Variants in TRPC5 observed in about 807,000 individuals in gnomAD.
TRPC5 encodes the protein transient receptor potential cation channel subfamily C member 5.
A neutral mutation model predicts 56.5 loss-of-function variants in TRPC5; 9 were observed. That is an observed-to-expected ratio of 0.16 (90% CI 0.10 to 0.28). The LOEUF (loss-of-function observed/expected upper bound fraction) is 0.28, where lower values mean the gene tolerates loss of function less well. TRPC5 is among the 10% of genes least tolerant of loss of function. The pLI is 1.00. For missense variants in TRPC5, 469 were observed against 748.9 expected, an observed-to-expected ratio of 0.63 and a Z score of 4.36; for synonymous variants, 282 against 278.5, an observed-to-expected ratio of 1.01 and a Z score of -0.13.
At chrX:111,994,263 T>A (rs771978808) in intron 1 of TRPC5, among the ~76,000 whole-genome samples, 35 of 111,665 alleles carry the variant, frequency 3.1e-4, no homozygotes, top group African/African-American at 1.0e-3. Flanking sequence ...TTTGTCTATA[T>A]ATCTGTTTTG....
At chrX:111,872,121 G>T (rs1466225071) in intron 3 of TRPC5, among the ~76,000 whole-genome samples, 2 of 112,324 alleles carry the variant, frequency 1.8e-5, no homozygotes, top group Non-Finnish European at 3.8e-5. Context: ...TTCTCAGCCT[G>T]CAGAACTGTG....
intron 5 of TRPC5, among the ~76,000 whole-genome samples, chrX:111,849,309 G>T (rs1923017369): frequency 8.9e-6 from 1 of 112,503 alleles, no homozygotes; most frequent in African/African-American, 3.2e-5. Flanking sequence ...CACCTTTGGA[G>T]AAAGATATAG....
chrX:111,823,423 A>G (rs1279096618), intron 7 of TRPC5, among the ~76,000 whole-genome samples: 1 of 111,819 alleles, frequency 8.9e-6, no homozygotes, highest in African/African-American at 3.3e-5. Flanking sequence ...GGCTTTAGGC[A>G]TGCAAAGAGC....
chrX:111,889,502 T>A (rs1003196476), intron 3 of TRPC5, among the ~76,000 whole-genome samples: 1 of 112,286 alleles, frequency 8.9e-6, no homozygotes, highest in African/African-American at 3.2e-5. Context: ...TTGAACAGCA[T>A]GCTGGTTTAG....
chrX:111,939,113 TGCTG>T (rs1926693867), intron 2 of TRPC5, among the ~76,000 whole-genome samples: 1 of 112,132 alleles, frequency 8.9e-6, no homozygotes, highest in African/African-American at 3.2e-5. Flanking sequence ...CATGAATGGA[TGCTG>T]AAGGTTATCA....
In TRPC5 at chrX:111,773,490, T is replaced by C. The variant is rs1329567439; in HGVS notation, c.*2823A>G. Among the ~76,000 whole-genome samples the C allele has an allele frequency of 8.9e-6, 1 of 112,044 alleles. No homozygotes were observed. Among genetic ancestry groups the C allele is most frequent in the African/African-American group, 3.2e-5 (1 of 30,831 alleles). ...ATTTGTGTTTGACTTTGCAGTACAT[T>C]TTTAACTTCACATTTAAATATGTAA... On this transcript the variant is annotated 3_prime_UTR_variant, in exon 11 of 11. Transcript: ENST00000262839.
In TRPC5 at chrX:111,913,833, G is replaced by A. The variant is rs1258729331; in HGVS notation, c.379-1021C>T. On this transcript the variant is annotated intron_variant, in intron 2 of 10. Coordinates refer to ENST00000262839, the MANE Select transcript of TRPC5 (RefSeq NM_012471.3). The stretch of plus-strand genomic sequence containing the variant: ...AAATTAGCCGGGCATGGTGGCGGGC[G>A]CCTGTAGTCCCAGCTACGTGGGAGC... Among the ~76,000 whole-genome samples the A allele has an allele frequency of 1.1e-4, 12 of 109,812 alleles. No homozygotes were observed. In the East Asian group the frequency reaches 1.2e-3, roughly 11 times the overall value.
intron 2 of TRPC5, among the ~76,000 whole-genome samples, chrX:111,931,734 C>T (rs140554534): frequency 8.4e-4 from 94 of 111,483 alleles, no homozygotes; most frequent in Middle Eastern, 4.6e-3. Context: ...AACATTAAAT[C>T]GTACTAAATC....
intron 2 of TRPC5, among the ~76,000 whole-genome samples, chrX:111,946,706 C>G (rs993478426): frequency 2.7e-5 from 3 of 112,425 alleles, no homozygotes; most frequent in African/African-American, 9.7e-5. Context: ...TTATATATCA[C>G]CCATCATGTA....
In TRPC5 at chrX:111,975,232, A is replaced by G. The variant is rs1454559385; in HGVS notation, c.-21-22791T>C. On this transcript the variant is annotated intron_variant, in intron 1 of 10. Coordinates refer to ENST00000262839, the MANE Select transcript of TRPC5 (RefSeq NM_012471.3). ...CATTTAAATAAATCTCTGTCCAATC[A>G]CTGGCGACTAAGATAATTGAGCAGA... Among the ~76,000 whole-genome samples the G allele has an allele frequency of 5.4e-5, 6 of 110,672 alleles. No homozygotes were observed. The East Asian group carries it at 1.4e-3, about 26-fold the overall frequency.
chrX:111,901,798 C>T, intron 3 of TRPC5: 1 of 975,227 alleles, frequency 1.0e-6, no homozygotes, highest in South Asian at 2.6e-5. Flanking sequence ...ACCAAGAGTC[C>T]ATTTGCTAGA....
chrX:111,795,979 CTT>C (rs772437635), intron 7 of TRPC5, among the ~76,000 whole-genome samples: 32 of 110,064 alleles, frequency 2.9e-4, no homozygotes, highest in Non-Finnish European at 4.9e-4. Flanking sequence ...TCCCACAAGT[CTT>C]TGAGGTTCTG....
At chrX:111,911,325 C>T (rs1388514410) in intron 3 of TRPC5, among the ~76,000 whole-genome samples, 1 of 112,341 alleles carries the variant, frequency 8.9e-6, no homozygotes, top group Non-Finnish European at 1.9e-5. Context: ...TGAATGTTAG[C>T]TTTTCTTATT....
At chrX:111,999,529 T>C (rs769212487) in intron 1 of TRPC5, among the ~76,000 whole-genome samples, 1 of 112,245 alleles carries the variant, frequency 8.9e-6, no homozygotes, top group Non-Finnish European at 1.9e-5. Context: ...TGATGAGCAC[T>C]TAGATTGACT....
chrX:111,790,458 A>C (rs1946010540), intron 7 of TRPC5, among the ~76,000 whole-genome samples: 1 of 111,273 alleles, frequency 9.0e-6, no homozygotes, highest in Non-Finnish European at 1.9e-5. Flanking sequence ...TACCTAATGT[A>C]AATGATGAGT....
intron 1 of TRPC5, among the ~76,000 whole-genome samples, chrX:112,038,446 A>G: frequency 9.0e-6 from 1 of 111,005 alleles, no homozygotes; most frequent in Non-Finnish European, 1.9e-5. Context: ...CGTTTGCACA[A>G]ACACTGAATG....
chrX:111,921,758 T>C (rs912882557), intron 2 of TRPC5, among the ~76,000 whole-genome samples: 3 of 111,981 alleles, frequency 2.7e-5, no homozygotes, highest in African/African-American at 9.7e-5. Flanking sequence ...TTTGCAATGA[T>C]GTGGGCTAAG....
intron 3 of TRPC5, among the ~76,000 whole-genome samples, chrX:111,887,584 C>T (rs929868025): frequency 1.8e-5 from 2 of 111,876 alleles, no homozygotes; most frequent in African/African-American, 3.3e-5. Flanking sequence ...TAGAATAGCT[C>T]TTGGGTAGAT....
At chrX:112,077,920 G>C (rs1019044852) in intron 1 of TRPC5, among the ~76,000 whole-genome samples, 6 of 110,904 alleles carry the variant, frequency 5.4e-5, no homozygotes, top group Non-Finnish European at 7.6e-5. Context: ...GTGCATGTTT[G>C]TGTGTGTGTG....
Sources: allele counts gnomAD v4.1 joint callset (sites outside exome capture counted in the v4.1 genomes callset), GRCh38; gene constraint gnomAD v4.1.1; transcripts MANE v1.5; gene names NCBI Gene and HGNC (gene_info 2026-07-23, HGNC 2026-07-21).